ANKRD33B: variants seen among roughly 807,000 people sequenced by gnomAD.
The protein encoded by ANKRD33B is ankyrin repeat domain-containing protein 33B.
A neutral mutation model predicts 21.5 loss-of-function variants in ANKRD33B; 6 were observed. The ratio of observed to expected loss-of-function variants is 0.28; its 90% confidence interval spans 0.15 to 0.55. ANKRD33B has a LOEUF of 0.55. Among genes scored for constraint, ANKRD33B ranks in the 20% least tolerant of loss-of-function variants. ANKRD33B has a pLI of 0.94. For synonymous variants in ANKRD33B, 347 were observed against 342.4 expected (o/e 1.01, Z -0.15); for missense variants, 698 against 747.2 (o/e 0.93, Z 0.77).
chr5:10,581,536 C>T (rs1435493431), intron 1 of ANKRD33B, among the ~76,000 whole-genome samples: 1 of 152,210 alleles, frequency 6.6e-6, no homozygotes, highest in African/African-American at 2.4e-5. Context: ...TTCCTTTGTT[C>T]CATGAGGCAC....
At chr5:10,625,288 A>C (rs2126588567) in intron 2 of ANKRD33B, 1 of 158,362 alleles carries the variant, frequency 6.3e-6, no homozygotes, top group Non-Finnish European at 1.4e-5. Flanking sequence ...AATGACTACA[A>C]AAGTATTATC....
At chr5:10,566,288 C>T (rs958753602) in intron 1 of ANKRD33B, among the ~76,000 whole-genome samples, 4 of 152,210 alleles carry the variant, frequency 2.6e-5, no homozygotes, top group African/African-American at 7.2e-5. Context: ...CCAGCCCTGG[C>T]GACAGATGCC....
chr5:10,624,410 G>A (rs1736496335), intron 2 of ANKRD33B, among the ~76,000 whole-genome samples: 1 of 152,118 alleles, frequency 6.6e-6, no homozygotes, highest in African/African-American at 2.4e-5. Flanking sequence ...AATTACAGGC[G>A]TGAGCCGCCG....
Position 10,651,510 on chromosome 5 carries a change from G to A in ANKRD33B, c.*1397G>A, listed in dbSNP as rs559130038. On this transcript the variant is annotated 3_prime_UTR_variant, in exon 4 of 4. Coordinates refer to ENST00000296657, the MANE Select transcript of ANKRD33B (RefSeq NM_001164440.2). ...TATCAGATTTGCAGCATTCTAATTC[G>A]GCAGGGCAGGGTATGAAAGCTGGAA... 2.0e-5 allele frequency: 3 copies of A among 152,246 alleles called. No homozygotes were observed. Among genetic ancestry groups the A allele is most frequent in the South Asian group, 2.1e-4 (1 of 4,814 alleles). 9.4% of individuals were successfully genotyped at this position (152,246 alleles called of 1,614,324 possible).
rs575349451 is a variant in ANKRD33B, at chr5:10,657,390, T to C, written c.*7277T>C. 3.3e-5 allele frequency: 5 copies of C among 152,498 alleles called. No individual in the cohort carries two copies. The South Asian group carries it at 1.0e-3, about 32-fold the overall frequency. 9.4% of individuals were successfully genotyped at this position (152,498 alleles called of 1,614,324 possible). ...ACAGGGTGCCAGGTTTCAAGTTAGG[T>C]CCTCTTAGTATAAGCTCTCTTTTTT... On this transcript the variant is annotated 3_prime_UTR_variant, in exon 4 of 4. Coordinates refer to ENST00000296657, the MANE Select transcript of ANKRD33B (RefSeq NM_001164440.2).
chr5:10,615,342 T>C (rs940030413), intron 1 of ANKRD33B, among the ~76,000 whole-genome samples: 1 of 152,220 alleles, frequency 6.6e-6, no homozygotes, highest in African/African-American at 2.4e-5. Context: ...CAATGTCTCC[T>C]GAGAAAACGA....
chr5:10,638,233 A>G (rs1736918355), intron 3 of ANKRD33B, 65 bp downstream of exon 3: 3 of 1,499,614 alleles, frequency 2.0e-6, no homozygotes, highest in Admixed American at 2.2e-5. Context: ...CCTTTATGGA[A>G]TATGTTTTGA....
chr5:10,606,711 C>T (rs886890273), intron 1 of ANKRD33B, among the ~76,000 whole-genome samples: 8 of 149,586 alleles, frequency 5.3e-5, no homozygotes, highest in African/African-American at 1.7e-4. Context: ...TCCAGCCTGG[C>T]GACAGAGCAA....
intron 3 of ANKRD33B, among the ~76,000 whole-genome samples, chr5:10,642,232 C>T (rs1737078422): frequency 6.6e-6 from 1 of 152,184 alleles, no homozygotes. Context: ...ATTCCAGAAA[C>T]ACCTTGCACA....
chr5:10,626,635 A>G (rs1466157536), intron 2 of ANKRD33B, among the ~76,000 whole-genome samples: 1 of 152,166 alleles, frequency 6.6e-6, no homozygotes, highest in Non-Finnish European at 1.5e-5. Flanking sequence ...CTTCTCAGAA[A>G]TACATTCGCC....
At chr5:10,601,419 C>T (rs564318265) in intron 1 of ANKRD33B, among the ~76,000 whole-genome samples, 24 of 152,328 alleles carry the variant, frequency 1.6e-4, no homozygotes, top group African/African-American at 4.8e-4. Context: ...CCTGGCGCTG[C>T]GGACCTCCCA....
At chr5:10,586,531 G>GTA (rs1418556020) in intron 1 of ANKRD33B, among the ~76,000 whole-genome samples, 1 of 113,584 alleles carries the variant, frequency 8.8e-6, no homozygotes, top group African/African-American at 3.2e-5. Context: ...GTGTGTGTGT[G>GTA]TGTATACTGC....
intron 3 of ANKRD33B, among the ~76,000 whole-genome samples, chr5:10,645,176 A>G (rs562462533): frequency 6.6e-6 from 1 of 152,148 alleles, no homozygotes; most frequent in Non-Finnish European, 1.5e-5. Flanking sequence ...GATTATACCC[A>G]CAATGCCCAA....
rs1356482443 is a variant in ANKRD33B, at chr5:10,637,913, G to C, written c.497-115G>C. The C allele has an allele frequency of 2.4e-6, 3 of 1,225,976 alleles. No homozygotes were observed. In the African/African-American group the frequency reaches 4.6e-5, roughly 19 times the overall value. 75.9% of individuals were successfully genotyped at this position (1,225,976 alleles called of 1,614,324 possible). ...GGGTCCGAGAAAAACTCACACAGCA[G>C]ACCGGCTGGCCCAGGGCTGACTCAG... On this transcript the variant is annotated intron_variant, in intron 2 of 3. Coordinates refer to ENST00000296657, the MANE Select transcript of ANKRD33B (RefSeq NM_001164440.2).
intron 1 of ANKRD33B, among the ~76,000 whole-genome samples, chr5:10,596,313 T>C (rs1735815701): frequency 6.6e-6 from 1 of 152,188 alleles, no homozygotes; most frequent in Admixed American, 6.5e-5. Flanking sequence ...TTCCTGATGC[T>C]CTCCTGCCTC....
chr5:10,568,640 A>G (rs1735110451), intron 1 of ANKRD33B, among the ~76,000 whole-genome samples: 1 of 152,138 alleles, frequency 6.6e-6, no homozygotes, highest in Admixed American at 6.5e-5. Context: ...GTTCAAGTGA[A>G]TCTCCTGCCT....
At chr5:10,625,970 G>A (rs1051285203) in intron 2 of ANKRD33B, among the ~76,000 whole-genome samples, 15 of 152,176 alleles carry the variant, frequency 9.9e-5, no homozygotes, top group African/African-American at 3.4e-4. Flanking sequence ...AACATTGAAA[G>A]GATTAAGGGG....
intron 1 of ANKRD33B, among the ~76,000 whole-genome samples, chr5:10,577,398 C>T (rs1735347264): frequency 6.6e-6 from 1 of 152,200 alleles, no homozygotes; most frequent in African/African-American, 2.4e-5. Flanking sequence ...CCGTAGATTA[C>T]AGGCGTGAGC....
chr5:10,637,218 T>C (rs577590707), intron 2 of ANKRD33B, among the ~76,000 whole-genome samples: 1 of 152,342 alleles, frequency 6.6e-6, no homozygotes, highest in East Asian at 1.9e-4. Flanking sequence ...AACAGCACTG[T>C]TGCTGTGACA....
Sources: gnomAD v4.1 joint callset for allele counts (sites outside exome capture counted in the v4.1 genomes callset) on GRCh38, gnomAD v4.1.1 for gene constraint, MANE v1.5 for transcripts, NCBI Gene and HGNC (gene_info 2026-07-23, HGNC 2026-07-21) for gene names.